GNG2: variants seen among roughly 807,000 people sequenced by gnomAD.
GNG2 encodes guanine nucleotide-binding protein G(I)/G(S)/G(O) subunit gamma-2.
Under a neutral mutation model 5.5 loss-of-function variants are expected in GNG2, and 5 were observed. The ratio of observed to expected loss-of-function variants is 0.91; its 90% CI spans 0.48 to 1.92. GNG2 has a LOEUF of 1.92. GNG2 is among the 30% of genes most tolerant of loss of function. GNG2 has a pLI of 0.01. For synonymous variants in GNG2, 28 were observed against 32.0 expected (o/e 0.88, Z 0.42); for missense variants, 55 against 88.4 (o/e 0.62, Z 1.52).
intron 2 of GNG2, among the ~76,000 whole-genome samples, chr14:51,839,598 TG>T (rs1345279899): frequency 6.6e-6 from 1 of 152,150 alleles, no homozygotes; most frequent in African/African-American, 2.4e-5. Flanking sequence ...AACAGATCAA[TG>T]GTTGTCAGAC....
chr14:51,878,989 A>G (rs1426712607), intron 2 of GNG2, among the ~76,000 whole-genome samples: 2 of 152,232 alleles, frequency 1.3e-5, no homozygotes, highest in Admixed American at 6.5e-5. Flanking sequence ...CAATGGGACA[A>G]TTCTTCATTA....
chr14:51,889,110 T>C (rs55749523), intron 2 of GNG2, among the ~76,000 whole-genome samples: 44,595 of 125,836 alleles, frequency 0.35, 7,920 homozygotes, highest in Non-Finnish European at 0.44. Context: ...GGGTTTGCGC[T>C]TTTTTTTTTT....
intron 2 of GNG2, among the ~76,000 whole-genome samples, chr14:51,838,888 T>C (rs1225743469): frequency 2.0e-5 from 3 of 152,032 alleles, no homozygotes; most frequent in South Asian, 2.1e-4. Flanking sequence ...GCCTGGACAA[T>C]AGAGTGAGAC....
At chr14:51,924,062 T>A (rs1887174433) in intron 2 of GNG2, among the ~76,000 whole-genome samples, 1 of 152,244 alleles carries the variant, frequency 6.6e-6, no homozygotes, top group Non-Finnish European at 1.5e-5. Context: ...AGGCTTAAGC[T>A]ATTGGTCATT....
At chr14:51,938,421 A>G (rs888441396) in intron 2 of GNG2, among the ~76,000 whole-genome samples, 1 of 152,218 alleles carries the variant, frequency 6.6e-6, no homozygotes. Context: ...TTTTCTGTTC[A>G]TTCCCACTCC....
In GNG2 at chr14:51,969,645, G is replaced by A. The variant is rs1288339696; in HGVS notation, c.*2958G>A. 1 of 152,160 alleles carries A rather than the reference G, an allele frequency of 6.6e-6. No individual in the cohort carries two copies. Among genetic ancestry groups the A allele is most frequent in the Non-Finnish European group, 1.5e-5 (1 of 68,020 alleles). The allele number at this position is 152,160 out of a possible 1,614,324, so 9.4% of individuals were successfully genotyped here. A position where few individuals can be genotyped will look rare whatever the true frequency, so the allele number is the denominator to read the frequency against. ...ATTAATGTTTTGCAGCCCAAAAGTT[G>A]TTCACATTTTTCCTATATAAGATCT... is the stretch of plus-strand genomic sequence containing the variant. On this transcript the variant is annotated 3_prime_UTR_variant, in exon 4 of 4. Transcript: ENST00000556766.
At chr14:51,933,337 G>A (rs1035394581) in intron 2 of GNG2, among the ~76,000 whole-genome samples, 4 of 152,150 alleles carry the variant, frequency 2.6e-5, no homozygotes, top group African/African-American at 7.2e-5. Context: ...CAGGAAAGGC[G>A]CTGGGGGAAA....
At chr14:51,869,171 T>C (rs1883134487) in intron 1 of GNG2, among the ~76,000 whole-genome samples, 1 of 152,172 alleles carries the variant, frequency 6.6e-6, no homozygotes, top group South Asian at 2.1e-4. Context: ...AGGCATTCAG[T>C]TTGTGCTGGA....
intron 2 of GNG2, among the ~76,000 whole-genome samples, chr14:51,852,245 C>T (rs949491593): frequency 1.3e-5 from 2 of 152,122 alleles, no homozygotes; most frequent in African/African-American, 4.8e-5. Flanking sequence ...ACTTTGTTAA[C>T]ATTTTAAAAA....
At chr14:51,843,283 T>A (rs1265300690) in intron 2 of GNG2, among the ~76,000 whole-genome samples, 1 of 152,124 alleles carries the variant, frequency 6.6e-6, no homozygotes, top group Non-Finnish European at 1.5e-5. Context: ...AATGCTGACC[T>A]CCTCTTTCTT....
chr14:51,832,484 A>G (rs77009742), intron 2 of GNG2, among the ~76,000 whole-genome samples: 3,391 of 152,314 alleles, frequency 0.022, 62 homozygotes, highest in Middle Eastern at 0.034. Context: ...TTGCATCACT[A>G]TAGAGCAAAA....
chr14:51,935,749 G>T (rs1053488089), intron 2 of GNG2, among the ~76,000 whole-genome samples: 2 of 152,062 alleles, frequency 1.3e-5, no homozygotes, highest in Non-Finnish European at 2.9e-5. Context: ...CCTGGCACCG[G>T]CATCTGCTCG....
chr14:51,874,902 A>G (rs1883555649), intron 1 of GNG2, among the ~76,000 whole-genome samples: 2 of 152,228 alleles, frequency 1.3e-5, no homozygotes, highest in South Asian at 2.1e-4. Flanking sequence ...CCCAAACTTT[A>G]TTCTATATTT....
intron 2 of GNG2, among the ~76,000 whole-genome samples, chr14:51,915,677 G>A (rs1253689): frequency 0.99 from 151,082 of 152,366 alleles, 74,906 homozygotes; most frequent in East Asian, 1. Flanking sequence ...CAGAAAATTG[G>A]TATTTTTCTA....
chr14:51,861,427 G>A (rs1882472288), intron 1 of GNG2: 1 of 152,156 alleles, frequency 6.6e-6, no homozygotes, highest in African/African-American at 2.4e-5. Context: ...TTGTTCAAAG[G>A]AGCGTGGCGG....
chr14:51,859,970 T>C (rs969748785), upstream of GNG2, among the ~76,000 whole-genome samples: 1 of 152,214 alleles, frequency 6.6e-6, no homozygotes, highest in African/African-American at 2.4e-5. Context: ...CCGTGCCCCA[T>C]AAGAATACTT....
intron 2 of GNG2, among the ~76,000 whole-genome samples, chr14:51,947,667 A>G (rs540757702): frequency 6.6e-6 from 1 of 152,344 alleles, no homozygotes; most frequent in South Asian, 2.1e-4. Flanking sequence ...TTATAAGATA[A>G]TAAATTTCTA....
At chr14:51,865,145 C>T (rs1882790168) in intron 1 of GNG2, among the ~76,000 whole-genome samples, 1 of 152,264 alleles carries the variant, frequency 6.6e-6, no homozygotes. Flanking sequence ...TTCTGTAATG[C>T]ACTTTGTCCA....
intron 3 of GNG2, among the ~76,000 whole-genome samples, chr14:51,966,242 T>TAAAG (rs1889908868): frequency 1.7e-5 from 1 of 60,206 alleles, no homozygotes; most frequent in African/African-American, 6.2e-5. Context: ...AAAAAACAAA[T>TAAAG]GAAGGAGACA....
Sources: gnomAD v4.1 joint callset for allele counts (sites outside exome capture counted in the v4.1 genomes callset) on GRCh38, gnomAD v4.1.1 for gene constraint, MANE v1.5 for transcripts, NCBI Gene and HGNC (gene_info 2026-07-23, HGNC 2026-07-21) for gene names.